Variants in PCDHA3 observed in about 807,000 individuals in gnomAD.
The protein encoded by PCDHA3 is protocadherin alpha-3.
A neutral mutation model predicts 62.2 loss-of-function variants in PCDHA3; 41 were observed. That is an observed-to-expected ratio of 0.66 (90% CI 0.51 to 0.86). The LOEUF (loss-of-function observed/expected upper bound fraction) is 0.86, where lower values mean the gene tolerates loss of function less well. PCDHA3 is among the 40% of genes least tolerant of loss of function. The probability of loss-of-function intolerance (pLI) is 0.00; values close to 1 mark genes in which losing one functional copy is unlikely to be tolerated. For missense variants in PCDHA3, 1,304 were observed against 1,241.2 expected (o/e 1.05, Z -0.76); for synonymous variants, 640 against 555.4 (o/e 1.15, Z -2.14).
chr5:140,891,345 G>T (rs2063056241), intron 1 of PCDHA3, among the ~76,000 whole-genome samples: 1 of 151,958 alleles, frequency 6.6e-6, no homozygotes, highest in Admixed American at 6.6e-5. Context: ...AGATTTTGGT[G>T]CATCCATCAC....
chr5:140,964,472 T>A (rs1160731930), intron 1 of PCDHA3, among the ~76,000 whole-genome samples: 1 of 152,074 alleles, frequency 6.6e-6, no homozygotes, highest in Non-Finnish European at 1.5e-5. Context: ...GTGCCTATGA[T>A]TTTTTCACAG....
chr5:140,882,451 G>T (rs2059142751), intron 1 of PCDHA3: 4 of 1,613,922 alleles, frequency 2.5e-6, no homozygotes, highest in African/African-American at 1.3e-5. Flanking sequence ...AGCTGGTGCC[G>T]CGCCTGTTCC....
rs1350835757 is a variant in PCDHA3, at chr5:141,010,856, A to G, written c.*919A>G. Reference sequence around the variant, plus strand: ...CATAGATTTATTTAAAAAAAGAGAAAGTCTATAGCTATAAATCTTTAAAGA... The same window carrying G: ...CATAGATTTATTTAAAAAAAGAGAAGGTCTATAGCTATAAATCTTTAAAGA... On this transcript the variant is annotated 3_prime_UTR_variant, in exon 4 of 4. Coordinates refer to ENST00000522353, the MANE Select transcript of PCDHA3 (RefSeq NM_018906.3). The G allele has an allele frequency of 1.3e-5, 2 of 153,800 alleles. No homozygotes were observed. Among genetic ancestry groups the G allele is most frequent in the African/African-American group, 2.4e-5 (1 of 41,464 alleles). The allele number at this position is 153,800 out of a possible 1,614,324, so 9.5% of individuals were successfully genotyped here. A position where few individuals can be genotyped will look rare whatever the true frequency, so the allele number is the denominator to read the frequency against.
chr5:140,881,301 A>C (rs1432436745), intron 1 of PCDHA3: 2 of 957,940 alleles, frequency 2.1e-6, no homozygotes, highest in Admixed American at 1.2e-4. Context: ...TGGAAACTTT[A>C]ACCTCCTGGT....
At chr5:140,855,486 GTC>G (rs2150336982) in intron 1 of PCDHA3, among the ~76,000 whole-genome samples, 1 of 149,948 alleles carries the variant, frequency 6.7e-6, no homozygotes, top group South Asian at 2.1e-4. Context: ...TGACATTAGT[GTC>G]TAAATAAACC....
intron 1 of PCDHA3, chr5:140,803,901 A>G: frequency 1.9e-6 from 1 of 524,668 alleles, no homozygotes; most frequent in South Asian, 2.4e-5. Flanking sequence ...CATTATTTAG[A>G]GAATCTGACT....
intron 1 of PCDHA3, among the ~76,000 whole-genome samples, chr5:140,873,200 T>C (rs1462660228): frequency 6.6e-6 from 1 of 152,228 alleles, no homozygotes; most frequent in Non-Finnish European, 1.5e-5. Context: ...GCTAAAAACA[T>C]TCTTTAAGTA....
Position 140,966,719 on chromosome 5 carries a change from G to A in PCDHA3, c.2395-12230G>A, listed in dbSNP as rs373995406. On this transcript the variant is annotated intron_variant, in intron 1 of 3. Coordinates refer to ENST00000522353, the MANE Select transcript of PCDHA3 (RefSeq NM_018906.3). ...CCGGGCGTGGGGCACGGCTGGGGAA[G>A]CTGCCGCCTCCGGCCCTGCCCGGCT... 7.2e-6 allele frequency: 10 copies of A among 1,395,512 alleles called. No individual in the cohort carries two copies. The East Asian group carries it at 1.1e-4, about 16-fold the overall frequency. 86.4% of individuals were successfully genotyped at this position (1,395,512 alleles called of 1,614,324 possible).
At chr5:140,884,014 G>A (rs1582743653) in intron 1 of PCDHA3, 1 of 1,613,168 alleles carries the variant, frequency 6.2e-7, no homozygotes, top group Non-Finnish European at 8.5e-7. Context: ...AGCTGATGCC[G>A]CGGTCGGTGG....
Position 140,837,010 on chromosome 5 carries a change from C to T in PCDHA3, c.2394+33419C>T, listed in dbSNP as rs1188218220. On this transcript the variant is annotated intron_variant, in intron 1 of 3. Coordinates refer to ENST00000522353, the MANE Select transcript of PCDHA3 (RefSeq NM_018906.3). Reference sequence around the variant, plus strand: ...ACTTTGCTAACTGGAGCAATGGATTCACCTTTCTTCTATAGTGTATTTACA... The same window carrying T: ...ACTTTGCTAACTGGAGCAATGGATTTACCTTTCTTCTATAGTGTATTTACA... 4 of 308,042 alleles carry T rather than the reference C, an allele frequency of 1.3e-5. 1 individual carries two copies. Among genetic ancestry groups the T allele is most frequent in the African/African-American group, 8.8e-5 (4 of 45,630 alleles). 19.1% of individuals were successfully genotyped at this position (308,042 alleles called of 1,614,324 possible).
At chr5:140,841,219 G>T in intron 1 of PCDHA3, 1 of 1,437,982 alleles carries the variant, frequency 7.0e-7, no homozygotes, top group South Asian at 1.4e-5. Context: ...TCTAAAGGCC[G>T]AACAACGGGA....
At chr5:140,894,044 T>C (rs2064295340) in intron 1 of PCDHA3, among the ~76,000 whole-genome samples, 1 of 152,190 alleles carries the variant, frequency 6.6e-6, no homozygotes, top group Admixed American at 6.5e-5. Context: ...ATGTAAGTCC[T>C]CTGTTGAATT....
chr5:140,851,595 G>A (rs1470017891), intron 1 of PCDHA3: 19 of 919,212 alleles, frequency 2.1e-5, no homozygotes, highest in Non-Finnish European at 2.5e-5. Flanking sequence ...TTGAAATTCA[G>A]TTTACAGAAA....
chr5:140,838,651 G>A (rs1775818382), intron 1 of PCDHA3, among the ~76,000 whole-genome samples: 1 of 151,988 alleles, frequency 6.6e-6, no homozygotes, highest in Non-Finnish European at 1.5e-5. Context: ...AAAAATGATA[G>A]TTAACGGGGC....
At chr5:141,008,425 A>G (rs1195605563) in intron 3 of PCDHA3, among the ~76,000 whole-genome samples, 2 of 152,172 alleles carry the variant, frequency 1.3e-5, no homozygotes, top group East Asian at 1.9e-4. Context: ...CACTGGGATC[A>G]CTTTGCCCAG....
At position 140,802,173 on chromosome 5, in the gene PCDHA3, G is replaced by T; in HGVS notation, c.976G>T (p.Gly326Ter). The T allele has an allele frequency of 1.2e-6, 2 of 1,614,198 alleles. No individual in the cohort carries two copies. The highest frequency in any genetic ancestry group is 1.7e-6 in the Non-Finnish European group (2 of 1,180,028). Residue 326 changes from glycine to a stop codon, truncating the protein, a stop_gained, in exon 1 of 4, where the codon GGA becomes TGA. Transcript: ENST00000522353. LOFTEE classifies it high-confidence loss of function. ...AATCCAGGTAGAAGCCACGGATAAA[G>T]GAAATCCCCCAATGTCAGATCACTG... ...YEIQVEATDKGNPPMSDHCTV... is the reference protein window; with the variant it reads ...YEIQVEATDK
chr5:140,970,425 C>T (rs1554232453), intron 1 of PCDHA3, among the ~76,000 whole-genome samples: 1 of 151,722 alleles, frequency 6.6e-6, no homozygotes, highest in Non-Finnish European at 1.5e-5. Flanking sequence ...GGTGTAGAGG[C>T]AGGTGTTAGT....
rs2126647218 is a variant in PCDHA3 at position 140,813,524 on chromosome 5, A to T, written c.2394+9933A>T. ...CAGTAAAAACATTGTACAGATTTTT[A>T]AAATGGTACACCTGAATAGGGTACT... On this transcript the variant is annotated intron_variant, in intron 1 of 3. Coordinates refer to ENST00000522353, the MANE Select transcript of PCDHA3 (RefSeq NM_018906.3). The T allele has an allele frequency of 4.6e-5, 7 of 152,318 alleles. No individual in the cohort carries two copies. In the East Asian group the frequency reaches 7.7e-4, roughly 17 times the overall value. The allele number at this position is 152,318 out of a possible 1,614,324, so 9.4% of individuals were successfully genotyped here.
intron 1 of PCDHA3, chr5:140,868,982 A>T: frequency 6.7e-7 from 1 of 1,495,310 alleles, no homozygotes; most frequent in East Asian, 2.3e-5. Context: ...ATCATACCGG[A>T]TGCCACCGTT....
Sources: allele counts gnomAD v4.1 joint callset (sites outside exome capture counted in the v4.1 genomes callset), GRCh38; gene constraint gnomAD v4.1.1; transcripts MANE v1.5; gene names NCBI Gene and HGNC (gene_info 2026-07-23, HGNC 2026-07-21).